Variants in KCNAB1 observed in about 807,000 individuals in gnomAD.
KCNAB1 encodes the protein potassium voltage-gated channel subfamily A regulatory beta subunit 1.
In KCNAB1, 35 loss-of-function variants were observed where a neutral mutation model predicts 64.6. The ratio of observed to expected loss-of-function variants is 0.54; its 90% CI spans 0.41 to 0.72. KCNAB1 has a LOEUF of 0.72. KCNAB1 is among the 30% of genes least tolerant of loss of function. The probability of loss-of-function intolerance (pLI) is 0.00; values close to 1 mark genes in which losing one functional copy is unlikely to be tolerated. For missense variants in KCNAB1, 401 were observed against 512.9 expected (o/e 0.78, Z 2.11); for synonymous variants, 177 against 183.8 (o/e 0.96, Z 0.30).
intron 1 of KCNAB1, among the ~76,000 whole-genome samples, chr3:156,188,878 A>G (rs1017813405): frequency 3.3e-5 from 5 of 152,192 alleles, no homozygotes; most frequent in Non-Finnish European, 7.3e-5. Flanking sequence ...GATATTAGAC[A>G]GATAGTTGTG....
At chr3:156,415,753 G>A (rs1456287687) in intron 1 of KCNAB1, among the ~76,000 whole-genome samples, 1 of 152,008 alleles carries the variant, frequency 6.6e-6, no homozygotes, top group Admixed American at 6.5e-5. Context: ...AGCTCCTCAA[G>A]GCCCCATCGT....
At chr3:156,168,331 GT>G (rs1400689756) in intron 1 of KCNAB1, among the ~76,000 whole-genome samples, 1 of 151,992 alleles carries the variant, frequency 6.6e-6, no homozygotes, top group African/African-American at 2.4e-5. Context: ...AGTAATTTGT[GT>G]ACTGTTAAGA....
At chr3:156,316,167 A>G (rs1383731570) in intron 1 of KCNAB1, among the ~76,000 whole-genome samples, 1 of 152,204 alleles carries the variant, frequency 6.6e-6, no homozygotes, top group East Asian at 1.9e-4. Context: ...AGTTAAGTGG[A>G]ACAAGTCTTA....
At chr3:156,482,278 A>G (rs1024613863) in intron 8 of KCNAB1, among the ~76,000 whole-genome samples, 6 of 152,016 alleles carry the variant, frequency 3.9e-5, no homozygotes, top group Non-Finnish European at 8.8e-5. Flanking sequence ...AAACAACTCA[A>G]TAATAGGATT....
intron 1 of KCNAB1, among the ~76,000 whole-genome samples, chr3:156,333,319 A>AACACACACACACAC (rs10641743): frequency 2.1e-4 from 30 of 143,390 alleles, no homozygotes; most frequent in African/African-American, 6.6e-4. Flanking sequence ...CGCACATAGA[A>AACACACACACACAC]ACACACACAC....
chr3:156,358,891 T>C (rs1725426161), intron 1 of KCNAB1, among the ~76,000 whole-genome samples: 1 of 152,202 alleles, frequency 6.6e-6, no homozygotes, highest in Non-Finnish European at 1.5e-5. Context: ...ATTATTATTG[T>C]TTTACACTAT....
chr3:156,517,690 C>T (rs762796977), intron 11 of KCNAB1, among the ~76,000 whole-genome samples: 9 of 152,236 alleles, frequency 5.9e-5, no homozygotes, highest in Non-Finnish European at 1.2e-4. Flanking sequence ...TTCTCACAAA[C>T]AGAATGGATA....
At chr3:156,525,626 C>T (rs1240616142) in intron 12 of KCNAB1, among the ~76,000 whole-genome samples, 1 of 152,204 alleles carries the variant, frequency 6.6e-6, no homozygotes, top group Non-Finnish European at 1.5e-5. Flanking sequence ...AGCGATTCTC[C>T]TGCCTCAGCC....
At chr3:156,494,361 T>C (rs1234846396) in intron 8 of KCNAB1, among the ~76,000 whole-genome samples, 4 of 152,158 alleles carry the variant, frequency 2.6e-5, no homozygotes, top group Non-Finnish European at 5.9e-5. Context: ...GCATGGCTCT[T>C]AGGGCTGCCA....
intron 1 of KCNAB1, among the ~76,000 whole-genome samples, chr3:156,165,104 C>G (rs1323657336): frequency 5.3e-5 from 8 of 151,528 alleles, no homozygotes; most frequent in Non-Finnish European, 1.2e-4. Flanking sequence ...CGGTGAAACC[C>G]CGTCGCTACT....
Position 156,497,691 on chromosome 3 carries a change from CTG to C in KCNAB1, c.659-16671_659-16670del, listed in dbSNP as rs139743794. ...CAGATGCTTCCAAGTATAAAAATAA[CTG>C]TTCCACTAATGAATATAGAAATATT... On this transcript the variant is annotated intron_variant, in intron 8 of 13. Transcript: ENST00000490337. Among the ~76,000 whole-genome samples, 373 of 152,302 alleles carry C rather than the reference CTG, an allele frequency of 2.4e-3. 4 individuals carry two copies. The highest frequency in any genetic ancestry group is 8.7e-3 in the African/African-American group (363 of 41,560).
chr3:156,195,024 G>A (rs1057103127), intron 1 of KCNAB1, among the ~76,000 whole-genome samples: 6 of 152,110 alleles, frequency 3.9e-5, no homozygotes, highest in African/African-American at 1.4e-4. Context: ...TTGTGAGCGA[G>A]AACATGCAAT....
chr3:156,184,093 A>G (rs1157762125), intron 1 of KCNAB1, among the ~76,000 whole-genome samples: 1 of 152,210 alleles, frequency 6.6e-6, no homozygotes, highest in Non-Finnish European at 1.5e-5. Flanking sequence ...TACTATTACT[A>G]TTATTGTACA....
At chr3:156,167,841 G>A (rs1196209884) in intron 1 of KCNAB1, among the ~76,000 whole-genome samples, 1 of 152,166 alleles carries the variant, frequency 6.6e-6, no homozygotes, top group Non-Finnish European at 1.5e-5. Context: ...CAGCCTCTTA[G>A]GATCTCATTT....
At chr3:156,468,552 A>G (rs191959026) in intron 7 of KCNAB1, among the ~76,000 whole-genome samples, 1,617 of 152,260 alleles carry the variant, frequency 0.011, 15 homozygotes, top group South Asian at 0.03. Context: ...TACTTAACCT[A>G]CCTAGCCTCT....
intron 1 of KCNAB1, among the ~76,000 whole-genome samples, chr3:156,243,681 G>T (rs934430987): frequency 6.6e-6 from 1 of 152,210 alleles, no homozygotes; most frequent in Admixed American, 6.5e-5. Flanking sequence ...TATCACCTTA[G>T]CACTACTACT....
At chr3:156,309,618 A>G (rs565833600) in intron 1 of KCNAB1, among the ~76,000 whole-genome samples, 1 of 152,384 alleles carries the variant, frequency 6.6e-6, no homozygotes, top group South Asian at 2.1e-4. Context: ...GATAATGTAA[A>G]GTAGATTGCC....
At chr3:156,370,788 T>C (rs1481659651) in intron 1 of KCNAB1, among the ~76,000 whole-genome samples, 1 of 152,134 alleles carries the variant, frequency 6.6e-6, no homozygotes, top group Admixed American at 6.6e-5. Context: ...AAAGGAGACG[T>C]GGGGTTTTAT....
At chr3:156,421,540 G>A in intron 1 of KCNAB1, 76 bp from the exon 2 acceptor site, 1 of 1,438,874 alleles carries the variant, frequency 6.9e-7, no homozygotes, top group Non-Finnish European at 9.7e-7. Context: ...CCAAAATGGA[G>A]ATACAATATC....
Sources: gnomAD v4.1 joint callset for allele counts (sites outside exome capture counted in the v4.1 genomes callset) on GRCh38, gnomAD v4.1.1 for gene constraint, MANE v1.5 for transcripts, NCBI Gene and HGNC (gene_info 2026-07-23, HGNC 2026-07-21) for gene names.